CSMD1: variants seen among roughly 807,000 people sequenced by gnomAD.
CSMD1 encodes CUB and Sushi multiple domains 1, also known as CUB and sushi domain-containing protein 1.
Under a neutral mutation model 417.5 loss-of-function variants are expected in CSMD1, and 213 were observed. The observed-to-expected ratio is 0.51, with a 90% CI of 0.46 to 0.57. The LOEUF is 0.57. Ranked by LOEUF, CSMD1 falls within the 20% of genes least tolerant of loss-of-function variation. The pLI is 0.00. For missense variants in CSMD1, 6,923 were observed against 4,529.7 expected (o/e 1.53, Z -15.17); for synonymous variants, 2,862 against 1,736.8 (o/e 1.65, Z -16.11).
At chr8:3,064,731 G>A (rs756279098) in intron 49 of CSMD1, among the ~76,000 whole-genome samples, 19 of 152,080 alleles carry the variant, frequency 1.2e-4, no homozygotes, top group Admixed American at 1.3e-4. Context: ...TCCTTACATG[G>A]TTTTGCAAGA....
At chr8:3,074,736 T>A (rs1298357098) in intron 49 of CSMD1, among the ~76,000 whole-genome samples, 1 of 152,224 alleles carries the variant, frequency 6.6e-6, no homozygotes, top group Admixed American at 6.5e-5. Context: ...AAACATATAT[T>A]TTAGAATAGA....
At chr8:4,666,247 G>A (rs764263878) in intron 1 of CSMD1, among the ~76,000 whole-genome samples, 1 of 152,160 alleles carries the variant, frequency 6.6e-6, no homozygotes, top group Non-Finnish European at 1.5e-5. Flanking sequence ...GGGAATCAAG[G>A]TAACAGATGG....
At chr8:3,771,505 C>T (rs985176491) in intron 5 of CSMD1, among the ~76,000 whole-genome samples, 1 of 152,152 alleles carries the variant, frequency 6.6e-6, no homozygotes, top group Non-Finnish European at 1.5e-5. Flanking sequence ...GAACACACAA[C>T]AGTTTGGAGC....
chr8:4,039,820 T>C (rs922233362), intron 3 of CSMD1, among the ~76,000 whole-genome samples: 9 of 152,202 alleles, frequency 5.9e-5, no homozygotes, highest in African/African-American at 1.9e-4. Flanking sequence ...TCATCAGATC[T>C]GGCATCAAAT....
intron 1 of CSMD1, among the ~76,000 whole-genome samples, chr8:4,845,235 A>G (rs1801075035): frequency 6.6e-6 from 1 of 152,196 alleles, no homozygotes; most frequent in Admixed American, 6.6e-5. Context: ...TGTACTGTTC[A>G]GTATTATATT....
intron 4 of CSMD1, among the ~76,000 whole-genome samples, chr8:4,018,698 T>C (rs2130485949): frequency 6.6e-6 from 1 of 152,330 alleles, no homozygotes; most frequent in Non-Finnish European, 1.5e-5. Context: ...AGTTAGGTTC[T>C]TTTAGAAATA....
At chr8:3,737,625 T>C (rs765217117) in intron 6 of CSMD1, among the ~76,000 whole-genome samples, 2 of 152,162 alleles carry the variant, frequency 1.3e-5, no homozygotes, top group Non-Finnish European at 2.9e-5. Flanking sequence ...GTTACTAAGC[T>C]TTTTTTAAGC....
intron 3 of CSMD1, among the ~76,000 whole-genome samples, chr8:4,417,746 C>A (rs1446306176): frequency 6.6e-6 from 1 of 151,904 alleles, no homozygotes; most frequent in Non-Finnish European, 1.5e-5. Flanking sequence ...TCTAAATCAA[C>A]TTGAAACATT....
intron 25 of CSMD1, among the ~76,000 whole-genome samples, chr8:3,284,855 C>A (rs999136216): frequency 1.3e-5 from 2 of 152,178 alleles, no homozygotes; most frequent in Admixed American, 1.3e-4. Context: ...TGTTGTACTT[C>A]TTTCTAAAAA....
chr8:4,388,861 T>C (rs1803649983), intron 3 of CSMD1, among the ~76,000 whole-genome samples: 1 of 152,236 alleles, frequency 6.6e-6, no homozygotes, highest in Non-Finnish European at 1.5e-5. Context: ...ATTTAAAACT[T>C]TGAAATCAGC....
chr8:3,810,447 G>A (rs950688464), intron 5 of CSMD1, among the ~76,000 whole-genome samples: 56 of 152,096 alleles, frequency 3.7e-4, no homozygotes, highest in African/African-American at 1.2e-3. Context: ...AAGGGAGCAC[G>A]GGAGGACCTG....
chr8:3,181,600 G>C (rs1455251206), intron 36 of CSMD1, among the ~76,000 whole-genome samples: 2 of 152,068 alleles, frequency 1.3e-5, no homozygotes, highest in Non-Finnish European at 2.9e-5. Context: ...GGGAGCAGTC[G>C]GACCCTGTGG....
chr8:4,383,083 A>G (rs922221157), intron 3 of CSMD1, among the ~76,000 whole-genome samples: 8 of 152,180 alleles, frequency 5.3e-5, no homozygotes, highest in African/African-American at 1.9e-4. Flanking sequence ...TCCATGATTA[A>G]GCAATGCTAT....
chr8:3,671,581 ATATATATATATATG>A (rs1563257169), intron 7 of CSMD1, among the ~76,000 whole-genome samples: 1,807 of 108,424 alleles, frequency 0.017, 152 homozygotes, highest in Non-Finnish European at 0.024. Context: ...ATATATATAT[ATATATATATATATG>A]ATTAGTTCTA....
At chr8:4,127,535 T>A (rs1585374273) in intron 3 of CSMD1, among the ~76,000 whole-genome samples, 1 of 151,896 alleles carries the variant, frequency 6.6e-6, no homozygotes, top group Non-Finnish European at 1.5e-5. Flanking sequence ...AGAAACCCTT[T>A]GGTTTTCCTA....
At chr8:4,390,814 T>C (rs1001164434) in intron 3 of CSMD1, among the ~76,000 whole-genome samples, 2 of 152,116 alleles carry the variant, frequency 1.3e-5, no homozygotes, top group Non-Finnish European at 2.9e-5. Flanking sequence ...GTGCTGGGAT[T>C]ACAGACATGA....
intron 5 of CSMD1, among the ~76,000 whole-genome samples, chr8:3,787,843 G>A (rs909293688): frequency 1.3e-5 from 2 of 152,150 alleles, no homozygotes; most frequent in African/African-American, 4.8e-5. Flanking sequence ...ATCTTGCAAA[G>A]CAAGAAAAGT....
intron 2 of CSMD1, among the ~76,000 whole-genome samples, chr8:4,571,806 G>C (rs946287242): frequency 6.6e-6 from 1 of 152,032 alleles, no homozygotes; most frequent in African/African-American, 2.4e-5. Flanking sequence ...CGAATCTGGG[G>C]GCTTCTATAT....
intron 1 of CSMD1, chr8:4,787,774 C>G (rs1347762349): frequency 7.0e-6 from 11 of 1,578,274 alleles, no homozygotes; most frequent in Non-Finnish European, 7.8e-6. Flanking sequence ...CTTCGCTGGA[C>G]TTGTTACAGG....
Sources: gnomAD v4.1 joint callset for allele counts (sites outside exome capture counted in the v4.1 genomes callset) on GRCh38, gnomAD v4.1.1 for gene constraint, MANE v1.5 for transcripts, NCBI Gene and HGNC (gene_info 2026-07-23, HGNC 2026-07-21) for gene names.